UBE3B: variants seen among roughly 807,000 people sequenced by gnomAD.
UBE3B encodes the protein ubiquitin protein ligase E3B.
A neutral mutation model predicts 132.3 loss-of-function variants in UBE3B; 80 were observed. The observed-to-expected ratio is 0.60, with a 90% CI of 0.50 to 0.73. The LOEUF is 0.73. Among genes scored for constraint, UBE3B ranks in the 30% least tolerant of loss-of-function variants. The pLI is 0.00. For synonymous variants in UBE3B, 487 were observed against 520.4 expected, an observed-to-expected ratio of 0.94 and a Z score of 0.87; for missense variants, 1,196 against 1,362.5, an observed-to-expected ratio of 0.88 and a Z score of 1.92.
intron 14 of UBE3B, among the ~76,000 whole-genome samples, chr12:109,506,615 T>C (rs1400894494): frequency 6.6e-6 from 1 of 152,148 alleles, no homozygotes; most frequent in East Asian, 1.9e-4. Context: ...CCTCCCAGAG[T>C]GCTGGGATTA....
intron 9 of UBE3B, among the ~76,000 whole-genome samples, chr12:109,494,383 G>C (rs1307695227): frequency 2.0e-5 from 3 of 152,136 alleles, no homozygotes; most frequent in Admixed American, 6.5e-5. Context: ...ACACTGCCGT[G>C]GCATTGATTT....
chr12:109,486,260 G>A (rs997423384), intron 5 of UBE3B, among the ~76,000 whole-genome samples, 189 bp downstream of exon 5: 1 of 152,174 alleles, frequency 6.6e-6, no homozygotes, highest in Non-Finnish European at 1.5e-5. Flanking sequence ...TTCTGCTCTT[G>A]CCACAACACA....
Position 109,521,416 on chromosome 12 carries a change from C to T in UBE3B, c.2254-25C>T, listed in dbSNP as rs773302539. Reference sequence around the variant, plus strand: ...TCCTTGCAAGGCACTTGACCTCTGCCTCTCCCCGTCTTTTTGCCTTGCAGA... The same window carrying T: ...TCCTTGCAAGGCACTTGACCTCTGCTTCTCCCCGTCTTTTTGCCTTGCAGA... On this transcript the variant is annotated intron_variant, in intron 20 of 27. Coordinates refer to ENST00000342494, the MANE Select transcript of UBE3B (RefSeq NM_130466.4). This position sits in a 1 kb window ranked among gnomAD's most constrained non-coding sequence, Gnocchi z 4.2. The T allele has an allele frequency of 1.3e-6, 2 of 1,581,160 alleles. No homozygotes were observed. Among genetic ancestry groups the T allele is most frequent in the Admixed American group, 1.7e-5 (1 of 58,450 alleles).
rs1203562213 is a variant in UBE3B, at chr12:109,524,495, A to T, written c.2560A>T (p.Met854Leu). The stretch of plus-strand genomic sequence containing the variant: ...GACGCTGTCTTACGACGAGGACGTC[A>T]TGGGTCAGGTAGGTCCGCCCTTTGG... ...GLTLSYDEDVMGQLVCHELIP... is the reference protein window; with the variant it reads ...GLTLSYDEDVLGQLVCHELIP... The change falls in exon 23 of 28, where the codon ATG becomes TTG. Residue 854 changes from methionine (M) to leucine (L), a missense_variant. Coordinates refer to ENST00000342494, the MANE Select transcript of UBE3B (RefSeq NM_130466.4). 1.4e-5 allele frequency: 23 copies of T among 1,614,142 alleles called. No homozygotes were observed. Among genetic ancestry groups the T allele is most frequent in the Non-Finnish European group, 1.8e-5 (21 of 1,179,990 alleles).
chr12:109,526,673 C>G (rs1882369734), intron 24 of UBE3B, among the ~76,000 whole-genome samples: 1 of 151,992 alleles, frequency 6.6e-6, no homozygotes, highest in African/African-American at 2.4e-5. Flanking sequence ...GAGTTCGAGA[C>G]CAGCCTGATC....
chr12:109,514,103 C>T (rs1436783877), intron 18 of UBE3B, among the ~76,000 whole-genome samples: 3 of 152,232 alleles, frequency 2.0e-5, no homozygotes, highest in African/African-American at 2.4e-5. Flanking sequence ...GCCTGGCTCA[C>T]GTGCACAGCA....
intron 18 of UBE3B, among the ~76,000 whole-genome samples, chr12:109,513,166 G>GGT (rs1156672506): frequency 1.3e-5 from 2 of 152,140 alleles, no homozygotes; most frequent in Non-Finnish European, 2.9e-5. Flanking sequence ...CTGGTTTGGT[G>GGT]GTGTCTGGTT....
intron 14 of UBE3B, 130 bp downstream of exon 14, chr12:109,503,320 G>A: frequency 8.1e-7 from 1 of 1,229,026 alleles, no homozygotes; most frequent in Admixed American, 2.7e-5. Context: ...TTTTTGAGCT[G>A]TTCCTCTTAG....
chr12:109,480,522 G>A (rs1351199667), intron 1 of UBE3B, among the ~76,000 whole-genome samples: 1 of 152,062 alleles, frequency 6.6e-6, no homozygotes, highest in Non-Finnish European at 1.5e-5. Flanking sequence ...GTGGTGGTAT[G>A]TACCTGTGGT....
At chr12:109,497,459 G>A (rs1355953123) in intron 9 of UBE3B, among the ~76,000 whole-genome samples, 2 of 152,040 alleles carry the variant, frequency 1.3e-5, no homozygotes, top group Non-Finnish European at 2.9e-5. Flanking sequence ...TAGAGAAATC[G>A]ATTATACCAG....
At chr12:109,505,311 T>C (rs1281290672) in intron 14 of UBE3B, among the ~76,000 whole-genome samples, 1 of 152,242 alleles carries the variant, frequency 6.6e-6, no homozygotes, top group Non-Finnish European at 1.5e-5. Flanking sequence ...CTGCTGCTGG[T>C]CTGTCTGCCA....
chr12:109,523,911 C>T, intron 21 of UBE3B, 67 bp from the exon 22 acceptor site: 1 of 1,598,016 alleles, frequency 6.3e-7, no homozygotes, highest in Admixed American at 1.7e-5. Flanking sequence ...GCACCCTGAG[C>T]CACCCCAATC....
intron 24 of UBE3B, 152 bp downstream of exon 24, chr12:109,526,568 G>A: frequency 1.2e-6 from 1 of 828,704 alleles, no homozygotes; most frequent in Non-Finnish European, 1.9e-6. Flanking sequence ...TCATAGGCCA[G>A]AATTGTATTA....
chr12:109,483,840 T>C (rs529443721), intron 3 of UBE3B, 21 bp from the exon 4 acceptor site: 2 of 1,601,784 alleles, frequency 1.2e-6, no homozygotes, highest in South Asian at 2.3e-5. Context: ...AAAATGTCTT[T>C]TTTTGCACTT....
At chr12:109,514,432 C>G (rs1880749526) in intron 18 of UBE3B, among the ~76,000 whole-genome samples, 1 of 152,210 alleles carries the variant, frequency 6.6e-6, no homozygotes, top group African/African-American at 2.4e-5. Flanking sequence ...AGACTTTCTT[C>G]CATGCCCCAT....
chr12:109,502,620 A>T (rs1250352535), intron 13 of UBE3B, among the ~76,000 whole-genome samples: 1 of 152,194 alleles, frequency 6.6e-6, no homozygotes, highest in Non-Finnish European at 1.5e-5. Flanking sequence ...TCAGAACTAG[A>T]GGTTGTCACG....
intron 5 of UBE3B, 67 bp from the exon 6 acceptor site, chr12:109,486,404 A>G (rs1454119580): frequency 2.3e-6 from 3 of 1,324,952 alleles, no homozygotes; most frequent in Non-Finnish European, 3.2e-6. Context: ...TCCAGTTCCA[A>G]CAGTTAGAGC....
chr12:109,518,018 G>A (rs1881273001), intron 19 of UBE3B: 1 of 405,062 alleles, frequency 2.5e-6, no homozygotes, highest in Non-Finnish European at 5.2e-6. Flanking sequence ...TTCAAGGTAG[G>A]CATAAGGAAT....
the UBE3B span, among the ~76,000 whole-genome samples, chr12:109,545,358 C>T: frequency 6.6e-6 from 1 of 152,358 alleles, no homozygotes; most frequent in Admixed American, 6.5e-5. Context: ...TGCTGAGTTA[C>T]AGCCGTGCAC....
Sources: gnomAD v4.1 joint callset for allele counts (sites outside exome capture counted in the v4.1 genomes callset) on GRCh38, gnomAD v4.1.1 for gene constraint, Gnocchi (gnomAD v3.1) non-coding constraint, MANE v1.5 for transcripts, NCBI Gene and HGNC (gene_info 2026-07-23, HGNC 2026-07-21) for gene names.